The following ODAD2 variants were observed in gnomAD, a reference collection of about 807,000 sequenced individuals.
The protein encoded by ODAD2 is outer dynein arm docking complex subunit 2, also known as outer dynein arm-docking complex subunit 2.
A neutral mutation model predicts 106.8 loss-of-function variants in ODAD2; 89 were observed. The ratio of observed to expected loss-of-function variants is 0.83; its 90% CI spans 0.70 to 0.99. The LOEUF (loss-of-function observed/expected upper bound fraction) is 0.99, where lower values mean the gene tolerates loss of function less well. Ranked by LOEUF, ODAD2 falls within the 50% of genes least tolerant of loss-of-function variation. ODAD2 has a pLI of 0.00. For missense variants in ODAD2, 1,168 were observed against 1,238.5 expected (o/e 0.94, Z 0.85); for synonymous variants, 404 against 436.2 (o/e 0.93, Z 0.92).
At chr10:27,848,968 T>C (rs1344980312) in intron 19 of ODAD2, among the ~76,000 whole-genome samples, 1 of 152,194 alleles carries the variant, frequency 6.6e-6, no homozygotes, top group African/African-American at 2.4e-5. Flanking sequence ...TGTAAACTAG[T>C]TCAACCATTG....
intron 16 of ODAD2, among the ~76,000 whole-genome samples, chr10:27,913,749 T>C (rs1264208986): frequency 1.3e-5 from 2 of 152,104 alleles, no homozygotes; most frequent in Non-Finnish European, 2.9e-5. Context: ...ACATCACTGA[T>C]CATTAGAGAA....
At chr10:27,963,039 G>A (rs1415027584) in intron 9 of ODAD2, among the ~76,000 whole-genome samples, 3 of 147,796 alleles carry the variant, frequency 2.0e-5, no homozygotes, top group South Asian at 2.1e-4. Flanking sequence ...ACGAGATCTC[G>A]CTCTGTCACC....
chr10:27,958,469 G>A (rs1207534540), intron 10 of ODAD2, among the ~76,000 whole-genome samples: 2 of 152,122 alleles, frequency 1.3e-5, no homozygotes, highest in African/African-American at 2.4e-5. Context: ...AATTCTTTCT[G>A]CTCTTAGCAC....
At chr10:27,987,357 C>CA in intron 3 of ODAD2, 29 bp downstream of exon 3, 1 of 1,595,214 alleles carries the variant, frequency 6.3e-7, no homozygotes, top group South Asian at 1.1e-5. Context: ...TCTAAAAGTT[C>CA]AAATCACAGA....
At chr10:27,993,975 T>TGTGTGG (rs1491436269) in intron 2 of ODAD2, among the ~76,000 whole-genome samples, 1 of 7,118 alleles carries the variant, frequency 1.4e-4, no homozygotes, top group Non-Finnish European at 2.0e-3. Context: ...TATATATATA[T>TGTGTGG]GTGTGTGTGT....
intron 8 of ODAD2, among the ~76,000 whole-genome samples, chr10:27,969,803 T>C (rs1290609265): frequency 6.6e-6 from 1 of 152,112 alleles, no homozygotes; most frequent in Non-Finnish European, 1.5e-5. Context: ...TTGTAAACTA[T>C]TTGTTAAGCT....
At chr10:27,933,350 A>C (rs1845737328) in intron 16 of ODAD2, among the ~76,000 whole-genome samples, 2 of 152,258 alleles carry the variant, frequency 1.3e-5, no homozygotes, top group Non-Finnish European at 2.9e-5. Flanking sequence ...GCCATAAGAC[A>C]AAATGCTTTG....
intron 19 of ODAD2, among the ~76,000 whole-genome samples, chr10:27,832,913 T>C (rs771704817): frequency 6.6e-6 from 1 of 152,134 alleles, no homozygotes; most frequent in African/African-American, 2.4e-5. Flanking sequence ...GAATAAGTAA[T>C]AGGAATAATT....
At chr10:27,901,177 G>T (rs1307733198) in intron 17 of ODAD2, among the ~76,000 whole-genome samples, 2 of 152,124 alleles carry the variant, frequency 1.3e-5, no homozygotes, top group Admixed American at 6.6e-5. Flanking sequence ...TTAAAGAAAA[G>T]AATTTTCAAC....
intron 17 of ODAD2, among the ~76,000 whole-genome samples, chr10:27,877,204 G>A (rs1312330252): frequency 6.6e-6 from 1 of 152,176 alleles, no homozygotes; most frequent in East Asian, 1.9e-4. Flanking sequence ...AATCAGTTTT[G>A]CTCCTCTGGA....
intron 17 of ODAD2, among the ~76,000 whole-genome samples, chr10:27,893,012 G>C (rs1201055947): frequency 2.0e-5 from 3 of 152,026 alleles, no homozygotes; most frequent in East Asian, 1.9e-4. Context: ...AGCCAGGCAT[G>C]GGGCTGCATG....
intron 16 of ODAD2, among the ~76,000 whole-genome samples, chr10:27,915,679 G>A (rs1173496670): frequency 6.6e-6 from 1 of 152,264 alleles, no homozygotes; most frequent in East Asian, 1.9e-4. Context: ...TAAAATGCTA[G>A]AAGGAAAAGA....
chr10:27,931,045 C>T (rs1170451322), intron 16 of ODAD2, among the ~76,000 whole-genome samples: 3 of 152,080 alleles, frequency 2.0e-5, no homozygotes, highest in African/African-American at 4.8e-5. Context: ...CCTCATAATG[C>T]AAAACTGGGT....
At chr10:27,885,533 A>ATAT (rs1188217246) in intron 17 of ODAD2, among the ~76,000 whole-genome samples, 1 of 14,620 alleles carries the variant, frequency 6.8e-5, no homozygotes, top group African/African-American at 2.8e-4. Context: ...AAAAAAAAAA[A>ATAT]ATATATATAT....
intron 17 of ODAD2, among the ~76,000 whole-genome samples, chr10:27,884,367 C>A (rs1279736019): frequency 6.6e-6 from 1 of 152,084 alleles, no homozygotes; most frequent in Non-Finnish European, 1.5e-5. Context: ...AAAGAAAATG[C>A]CAAACCACAA....
intron 8 of ODAD2, among the ~76,000 whole-genome samples, chr10:27,970,832 C>T (rs752791062): frequency 3.3e-5 from 5 of 151,964 alleles, no homozygotes; most frequent in Middle Eastern, 3.4e-3. Flanking sequence ...GTTAGCCAGG[C>T]GTGGTGGCAT....
At chr10:27,951,006 C>A (rs915172369) in intron 10 of ODAD2, among the ~76,000 whole-genome samples, 9 of 151,932 alleles carry the variant, frequency 5.9e-5, no homozygotes, top group African/African-American at 2.2e-4. Flanking sequence ...AAAAAAGTTC[C>A]CATGTCGGGA....
At chr10:27,868,390 C>T (rs11006750) in intron 17 of ODAD2, among the ~76,000 whole-genome samples, 78,376 of 151,992 alleles carry the variant, frequency 0.52, 22,473 homozygotes, top group Middle Eastern at 0.68. Context: ...ATATGTTTAT[C>T]GCAGCACTAT....
chr10:27,903,950 G>T lies in ODAD2; in HGVS notation c.2610+3713C>A, dbSNP rs368504148. 2.7e-4 allele frequency among the ~76,000 whole-genome samples: 41 copies of T among 152,140 alleles called. No homozygotes were observed. The East Asian group carries it at 6.2e-3, about 23-fold the overall frequency. On this transcript the variant is annotated intron_variant, in intron 17 of 19. Transcript: ENST00000305242. ...TGTATCTCCTCTTCCTCCCCTCTGGGGTTCCCTTTAGACCTTCTCAAGATA... is the reference window on the plus strand; with the variant it reads ...TGTATCTCCTCTTCCTCCCCTCTGGTGTTCCCTTTAGACCTTCTCAAGATA...
Sources: gnomAD v4.1 joint callset for allele counts (sites outside exome capture counted in the v4.1 genomes callset) on GRCh38, gnomAD v4.1.1 for gene constraint, MANE v1.5 for transcripts, NCBI Gene and HGNC (gene_info 2026-07-23, HGNC 2026-07-21) for gene names.